The following NOTUM variants were observed in gnomAD, a reference collection of about 807,000 sequenced individuals.
NOTUM encodes the protein notum, palmitoleoyl-protein carboxylesterase, also known as palmitoleoyl-protein carboxylesterase NOTUM.
In NOTUM, 36 loss-of-function variants were observed where a neutral mutation model predicts 65.5. The observed-to-expected ratio is 0.55, with a 90% confidence interval of 0.42 to 0.73. The LOEUF is 0.73. Ranked by LOEUF, NOTUM falls within the 30% of genes least tolerant of loss-of-function variation. The pLI is 0.00. For synonymous variants in NOTUM, 356 were observed against 297.9 expected (o/e 1.20, Z -2.01); for missense variants, 659 against 694.2 (o/e 0.95, Z 0.57).
chr17:81,959,152 A>T (rs2041455367), intron 3 of NOTUM, 157 bp from the exon 4 acceptor site: 1 of 678,618 alleles, frequency 1.5e-6, no homozygotes, highest in South Asian at 1.8e-5. Context: ...AAAGTGGAGG[A>T]CAGTTGGGTT....
chr17:81,956,581 G>A, intron 8 of NOTUM, 69 bp downstream of exon 8: 1 of 1,112,102 alleles, frequency 9.0e-7, no homozygotes, highest in South Asian at 1.3e-5. Context: ...AGTCCACGCT[G>A]GATTTTCAGA....
At position 81,960,793 on chromosome 17, in the gene NOTUM, G is replaced by C; in HGVS notation, c.117C>G (p.Thr39=). 1.3e-6 allele frequency: 2 copies of C among 1,553,272 alleles called. No individual in the cohort carries two copies. Among genetic ancestry groups the C allele is most frequent in the Non-Finnish European group, 1.7e-6 (2 of 1,150,540 alleles). Residue 39 remains threonine, a synonymous_variant, in exon 1 of 11, where the codon ACC becomes ACG. Coordinates refer to ENST00000409678, the MANE Select transcript of NOTUM (RefSeq NM_178493.6). This position sits in a 1 kb window ranked among gnomAD's most constrained non-coding sequence, Gnocchi z 6.4. The stretch of plus-strand genomic sequence containing the variant: ...GCTGTCCGGCCGCCGGCGCCGCCTC[G>C]GTCCGCGGGGGAGGAGGCGGCTGCT... ...RGQQPPPPPR[T]EAAPAAGQPV... is the part of the protein sequence containing the mutation.
At chr17:81,956,593 G>T in intron 8 of NOTUM, 57 bp downstream of exon 8, 1 of 1,213,806 alleles carries the variant, frequency 8.2e-7, no homozygotes, top group Non-Finnish European at 1.2e-6. Context: ...ATTTTCAGAA[G>T]CAAGGAAGTG....
Position 81,953,082 on chromosome 17 carries a change from G to C in NOTUM, c.1370C>G (p.Thr457Arg). The C allele has an allele frequency of 1.9e-6, 3 of 1,613,898 alleles. No homozygotes were observed. The South Asian group carries it at 3.3e-5, about 18-fold the overall frequency. The change falls in exon 11 of 11, where the codon ACG (threonine) becomes AGG (arginine). Residue 457 changes from threonine to arginine, a missense_variant. Coordinates refer to ENST00000409678, the MANE Select transcript of NOTUM (RefSeq NM_178493.6). ...CTGGGCCACGTTCATCTCTTGCCCC[G>C]TGAACTGGTCTCGGACGGTGGGGCA... ...PSCPTVRDQF[T>R]GQEMNVAQFL...
At position 81,956,940 on chromosome 17, in the gene NOTUM, G is replaced by T. The variant is rs373383949; in HGVS notation, c.830C>A (p.Thr277Lys). Residue 277 changes from threonine to lysine, a missense_variant, in exon 7 of 11, where the codon ACA becomes AAA. Thr to Lys is a moderately conservative substitution (Grantham distance 78). Coordinates refer to ENST00000409678, the MANE Select transcript of NOTUM (RefSeq NM_178493.6). The stretch of plus-strand genomic sequence containing the variant: ...GCACGTGATCGTGTCGACGCAGTCT[G>T]TGTGGCGATACTGCTTGTTGTCCAG... ...WFLDNKQYRH[T>K]DCVDTITCAP... The T allele has an allele frequency of 1.9e-6, 3 of 1,613,182 alleles. No individual in the cohort carries two copies. The South Asian group carries it at 3.3e-5, about 18-fold the overall frequency.
chr17:81,957,159 C>T (rs34600945), intron 6 of NOTUM, 85 bp from the exon 7 acceptor site: 577,959 of 1,174,022 alleles, frequency 0.49, 147,114 homozygotes, highest in Non-Finnish European at 0.53. Flanking sequence ...GCCCGTGCCC[C>T]GAGGGGGGCA....
intron 2 of NOTUM, 32 bp from the exon 3 acceptor site, chr17:81,959,598 G>C (rs757897067): frequency 1.0e-5 from 16 of 1,545,914 alleles, no homozygotes; most frequent in Admixed American, 5.9e-5. Context: ...AGGCCCGCGC[G>C]CACAGACCCC....
intron 2 of NOTUM, 24 bp from the exon 3 acceptor site, chr17:81,959,590 G>T: frequency 6.5e-7 from 1 of 1,547,056 alleles, no homozygotes; most frequent in Non-Finnish European, 8.7e-7. Flanking sequence ...CGCCGCTCAG[G>T]CCCGCGCGCA....
intron 10 of NOTUM, 130 bp downstream of exon 10, chr17:81,954,126 C>A (rs1473487125): frequency 7.6e-6 from 5 of 658,364 alleles, no homozygotes; most frequent in African/African-American, 1.8e-5. Flanking sequence ...GGCTCTGGCA[C>A]CCCTATAAGG....
In NOTUM at chr17:81,953,013, G is replaced by C. The variant is rs1180128443; in HGVS notation, c.1439C>G (p.Pro480Arg). The C allele has an allele frequency of 1.2e-6, 2 of 1,614,034 alleles. No individual in the cohort carries two copies. Among genetic ancestry groups the C allele is most frequent in the East Asian group, 2.2e-5 (1 of 44,892 alleles). The change falls in exon 11 of 11, where the codon CCG (proline) becomes CGG (arginine). Residue 480 changes from proline to arginine, a missense_variant. Pro to Arg is a moderately radical substitution (Grantham distance 103). Transcript: ENST00000409678. ...MGFDMQTVAQ[P>R]QGLEPSELLG... ...CAGCTCACTGGGCTCCAGTCCCTGC[G>C]GCTGGGCCACCGTCTGCATGTCGAA... is the stretch of plus-strand genomic sequence containing the variant.
chr17:81,957,716 G>A lies in NOTUM; in HGVS notation c.695+90C>T, dbSNP rs1169811248. 1.6e-5 allele frequency: 14 copies of A among 882,338 alleles called. 1 individual carries two copies. Among genetic ancestry groups the A allele is most frequent in the South Asian group, 7.5e-5 (5 of 66,654 alleles). 54.7% of individuals were successfully genotyped at this position (882,338 alleles called of 1,614,324 possible). A position where few individuals can be genotyped will look rare whatever the true frequency, so the allele number is the denominator to read the frequency against. On this transcript the variant is annotated intron_variant, in intron 6 of 10. Transcript: ENST00000409678. Reference sequence around the variant, plus strand: ...TCTGCACAGGCTCCACTCCATCCTCGCCTCTCATACAACCCCACCCCACAC... The same window carrying A: ...TCTGCACAGGCTCCACTCCATCCTCACCTCTCATACAACCCCACCCCACAC...
In NOTUM at chr17:81,953,165, G is replaced by A. The variant is rs754216102; in HGVS notation, c.1287C>T (p.Leu429=). 2.5e-6 allele frequency: 4 copies of A among 1,613,208 alleles called. No individual in the cohort carries two copies. Among genetic ancestry groups the A allele is most frequent in the South Asian group, 1.1e-5 (1 of 91,050 alleles). The change falls in exon 11 of 11, where the codon CTC becomes CTT. Residue 429 remains leucine (L), a synonymous_variant. Coordinates refer to ENST00000409678, the MANE Select transcript of NOTUM (RefSeq NM_178493.6). Reference sequence around the variant, plus strand: ...CCACCAGGTGGACGGGGCAGCCCTTGAGGGGGGTCTTGCTGGCCTTGTGGC... The same window carrying A: ...CCACCAGGTGGACGGGGCAGCCCTTAAGGGGGGTCTTGCTGGCCTTGTGGC... The part of the protein sequence containing the change: ...HDSHKASKTP[L]KGCPVHLVDS...
chr17:81,955,373 G>A lies in NOTUM; in HGVS notation c.1136+24C>T, dbSNP rs1459230907. 13 of 1,537,254 alleles carry A rather than the reference G, an allele frequency of 8.5e-6. No individual in the cohort carries two copies. In the Admixed American group the frequency reaches 1.8e-4, roughly 21 times the overall value. On this transcript the variant is annotated intron_variant, in intron 9 of 10. Transcript: ENST00000409678. ...ATAAGGAGGGAGCTACCCGGCGTGG[G>A]GCTCCCGGGGCCCACACACTCACGG...
At chr17:81,958,552 G>A (rs936549450) in intron 4 of NOTUM, among the ~76,000 whole-genome samples, 159 bp from the exon 5 acceptor site, 4 of 151,544 alleles carry the variant, frequency 2.6e-5, no homozygotes, top group African/African-American at 4.9e-5. Flanking sequence ...AAGACCTCCA[G>A]CGTAATACTC....
In NOTUM at chr17:81,953,651, T is replaced by A. The variant is rs1217543030; in HGVS notation, c.1185-384A>T. On this transcript the variant is annotated intron_variant, in intron 10 of 10. Coordinates refer to ENST00000409678, the MANE Select transcript of NOTUM (RefSeq NM_178493.6). ...CAAGGTCTCCCTCTGCCTGTCAGGC[T>A]AGAATGCAGTGGTGTGATCACTGCT... Among the ~76,000 whole-genome samples, 4 of 151,198 alleles carry A rather than the reference T, an allele frequency of 2.6e-5. No homozygotes were observed. In the Middle Eastern group the frequency reaches 0.01, roughly 391 times the overall value.
rs1267954414 is a variant in NOTUM, at chr17:81,957,908, T to A, written c.593A>T (p.Asn198Ile). 6.3e-7 allele frequency: 1 copy of A among 1,594,550 alleles called. No individual in the cohort carries two copies. The stretch of plus-strand genomic sequence containing the variant: ...GAGGGCGCCCATGAAGGCGTACTCG[T>A]CTGCAAGAGGGAGGGGGTGGCCTCA... The part of the protein sequence containing the change: ...WSGASSKSEK[N>I]EYAFMGALII... The change falls in exon 6 of 11, where the codon AAC (asparagine) becomes ATC (isoleucine). Residue 198 changes from asparagine to isoleucine, a missense_variant and splice_region_variant. Transcript: ENST00000409678.
At chr17:81,959,714 G>A in intron 1 of NOTUM, 22 bp from the exon 2 acceptor site, 1 of 1,423,694 alleles carries the variant, frequency 7.0e-7, no homozygotes, top group Non-Finnish European at 9.2e-7. Flanking sequence ...GACGCACCGC[G>A]GGGGGTCGGC....
intron 10 of NOTUM, 23 bp from the exon 11 acceptor site, chr17:81,953,290 G>T (rs1208579534): frequency 6.4e-7 from 1 of 1,559,506 alleles, no homozygotes; most frequent in Non-Finnish European, 8.8e-7. Context: ...ACCGGGGGAG[G>T]GGGTCACATG....
chr17:81,960,955 G>C lies in NOTUM; in HGVS notation c.-46C>G. On this transcript the variant is annotated 5_prime_UTR_variant, in exon 1 of 11. Coordinates refer to ENST00000409678, the MANE Select transcript of NOTUM (RefSeq NM_178493.6). The surrounding 1 kb of genome is among the most constrained non-coding windows in gnomAD (Gnocchi z 6.4). Reference sequence around the variant, plus strand: ...AGCGGGCGGCCTTGAGGCGGCGGCGGCGGCGGCGGGGGATGCCGGGCCGGG... The same window carrying C: ...AGCGGGCGGCCTTGAGGCGGCGGCGCCGGCGGCGGGGGATGCCGGGCCGGG... 1 of 1,127,162 alleles carries C rather than the reference G, an allele frequency of 8.9e-7. No individual in the cohort carries two copies. The highest frequency in any genetic ancestry group is 1.1e-6 in the Non-Finnish European group (1 of 905,572). 69.8% of individuals were successfully genotyped at this position (1,127,162 alleles called of 1,614,324 possible).
Sources: gnomAD v4.1 joint callset for allele counts (sites outside exome capture counted in the v4.1 genomes callset) on GRCh38, gnomAD v4.1.1 for gene constraint, Gnocchi (gnomAD v3.1) non-coding constraint, MANE v1.5 for transcripts, NCBI Gene and HGNC (gene_info 2026-07-23, HGNC 2026-07-21) for gene names.